The following FUT8 variants were observed in gnomAD, a reference collection of about 807,000 sequenced individuals.
FUT8 encodes the protein alpha-(1,6)-fucosyltransferase.
FUT8 carries 29 observed loss-of-function variants against 71.3 expected under a neutral mutation model. The ratio of observed to expected loss-of-function variants is 0.41; its 90% confidence interval spans 0.30 to 0.55. The LOEUF is 0.55. FUT8 is among the 20% of genes least tolerant of loss of function. The probability of loss-of-function intolerance (pLI) is 0.34; values close to 1 mark genes in which losing one functional copy is unlikely to be tolerated. For synonymous variants in FUT8, 254 were observed against 239.3 expected (o/e 1.06, Z -0.57); for missense variants, 544 against 702.1 (o/e 0.77, Z 2.55).
intron 7 of FUT8, among the ~76,000 whole-genome samples, chr14:65,673,674 G>A (rs1466757137): frequency 2.0e-5 from 3 of 152,198 alleles, no homozygotes; most frequent in Non-Finnish European, 2.9e-5. Context: ...TGAATACTGA[G>A]AGACTAGCTA....
At chr14:65,398,593 G>T in the FUT8 span, among the ~76,000 whole-genome samples, 1 of 151,990 alleles carries the variant, frequency 6.6e-6, no homozygotes, top group African/African-American at 2.4e-5. Flanking sequence ...AAAATTAGCT[G>T]GGTGTGGTGA....
chr14:65,520,713 TAG>T (rs1883025554), intron 2 of FUT8, among the ~76,000 whole-genome samples: 1 of 152,132 alleles, frequency 6.6e-6, no homozygotes, highest in African/African-American at 2.4e-5. Flanking sequence ...TGGTTCTGTT[TAG>T]TAACATTTTA....
chr14:65,436,359 A>G (rs1332828300), intron 1 of FUT8, among the ~76,000 whole-genome samples: 2 of 152,168 alleles, frequency 1.3e-5, no homozygotes, highest in African/African-American at 4.8e-5. Flanking sequence ...GGCCAGGCAC[A>G]GTGGCTCACA....
intron 2 of FUT8, among the ~76,000 whole-genome samples, chr14:65,477,420 T>C (rs1286740133): frequency 6.6e-6 from 1 of 152,224 alleles, no homozygotes; most frequent in African/African-American, 2.4e-5. Context: ...GACTAGATGC[T>C]CAGGAGCACC....
chr14:65,623,876 A>G (rs1173569738), intron 5 of FUT8, among the ~76,000 whole-genome samples: 1 of 152,098 alleles, frequency 6.6e-6, no homozygotes, highest in Non-Finnish European at 1.5e-5. Context: ...TAGTATGCCC[A>G]CTTATTAGAT....
At chr14:65,720,644 T>G (rs779993584) in intron 7 of FUT8, among the ~76,000 whole-genome samples, 6 of 152,144 alleles carry the variant, frequency 3.9e-5, no homozygotes, top group Admixed American at 6.6e-5. Context: ...ACGTGCCCCC[T>G]AGGTCCAATG....
intron 1 of FUT8, among the ~76,000 whole-genome samples, chr14:65,433,879 A>G (rs2065515072): frequency 6.6e-6 from 1 of 151,286 alleles, no homozygotes; most frequent in South Asian, 2.1e-4. Context: ...GAGCACTGCA[A>G]CCTGAAACTC....
At chr14:65,591,392 C>A (rs996605895) in intron 3 of FUT8, among the ~76,000 whole-genome samples, 3 of 152,112 alleles carry the variant, frequency 2.0e-5, no homozygotes, top group African/African-American at 7.2e-5. Context: ...TACATTATAT[C>A]TTTGAAATTC....
chr14:65,600,679 A>G (rs1160202568), intron 3 of FUT8, among the ~76,000 whole-genome samples: 1 of 152,178 alleles, frequency 6.6e-6, no homozygotes, highest in Non-Finnish European at 1.5e-5. Context: ...GTTATTATGT[A>G]TAATCTTGTA....
chr14:65,364,988 A>G, the FUT8 span, among the ~76,000 whole-genome samples: 1 of 152,174 alleles, frequency 6.6e-6, no homozygotes, highest in Non-Finnish European at 1.5e-5. Flanking sequence ...CATCCCAGGT[A>G]CAGTGTGTAC....
At chr14:65,484,326 A>AG in intron 2 of FUT8, among the ~76,000 whole-genome samples, 1 of 152,142 alleles carries the variant, frequency 6.6e-6, no homozygotes, top group Non-Finnish European at 1.5e-5. Flanking sequence ...TTCTAATCTT[A>AG]GGGGGAAAGC....
chr14:65,613,803 C>T (rs1397805951), intron 3 of FUT8, among the ~76,000 whole-genome samples: 1 of 152,024 alleles, frequency 6.6e-6, no homozygotes. Flanking sequence ...CCTTTCGTAT[C>T]AGAGTGTTTG....
chr14:65,433,956 G>C (rs1449468503), intron 1 of FUT8, among the ~76,000 whole-genome samples: 1 of 152,092 alleles, frequency 6.6e-6, no homozygotes, highest in Non-Finnish European at 1.5e-5. Context: ...GTGCCACCAG[G>C]CTCAGCTATT....
chr14:65,542,440 T>C (rs1884729290), intron 2 of FUT8, among the ~76,000 whole-genome samples: 1 of 152,196 alleles, frequency 6.6e-6, no homozygotes, highest in Non-Finnish European at 1.5e-5. Context: ...AACTGAGCCA[T>C]AGTATCCCAC....
At chr14:65,592,623 A>C (rs986509668) in intron 3 of FUT8, among the ~76,000 whole-genome samples, 1 of 152,158 alleles carries the variant, frequency 6.6e-6, no homozygotes, top group African/African-American at 2.4e-5. Flanking sequence ...AATGATACTA[A>C]AAGATATTTC....
chr14:65,716,850 G>A (rs1369930761), intron 7 of FUT8, among the ~76,000 whole-genome samples: 12 of 141,432 alleles, frequency 8.5e-5, no homozygotes, highest in African/African-American at 3.0e-4. Context: ...TTCCCAGACG[G>A]GGCGGCCGGG....
At chr14:65,544,856 A>G (rs1403280351) in intron 2 of FUT8, among the ~76,000 whole-genome samples, 3 of 152,120 alleles carry the variant, frequency 2.0e-5, no homozygotes, top group African/African-American at 7.2e-5. Context: ...AGTATAAGTA[A>G]TGAATGAAAA....
chr14:65,514,823 C>G (rs1488527046), intron 2 of FUT8, among the ~76,000 whole-genome samples: 1 of 152,068 alleles, frequency 6.6e-6, no homozygotes, highest in African/African-American at 2.4e-5. Context: ...GTCATCAAAT[C>G]ACTTCTTTAC....
At chr14:65,522,621 G>A (rs926862469) in intron 2 of FUT8, among the ~76,000 whole-genome samples, 6 of 152,062 alleles carry the variant, frequency 3.9e-5, no homozygotes, top group African/African-American at 7.2e-5. Flanking sequence ...TGTGCGCGAC[G>A]TGCAGGTTTG....
Sources: allele counts gnomAD v4.1 joint callset (sites outside exome capture counted in the v4.1 genomes callset), GRCh38; gene constraint gnomAD v4.1.1; transcripts MANE v1.5; gene names NCBI Gene and HGNC (gene_info 2026-07-23, HGNC 2026-07-21).